Variants in CD2AP observed in about 807,000 individuals in gnomAD.
CD2AP encodes the protein CD2-associated protein.
A neutral mutation model predicts 85.1 loss-of-function variants in CD2AP; 46 were observed. That is an observed-to-expected ratio of 0.54 (90% CI 0.43 to 0.69). The LOEUF is 0.69. Among genes scored for constraint, CD2AP ranks in the 30% least tolerant of loss-of-function variants. The pLI is 0.00. For synonymous variants in CD2AP, 255 were observed against 252.9 expected (o/e 1.01, Z -0.08); for missense variants, 769 against 729.5 (o/e 1.05, Z -0.62).
intron 11 of CD2AP, among the ~76,000 whole-genome samples, chr6:47,593,061 C>T (rs79958323): frequency 6.6e-6 from 1 of 151,980 alleles, no homozygotes; most frequent in African/African-American, 2.4e-5. Flanking sequence ...TGATGCTAAC[C>T]CCAGAAAGAC....
rs574962678 is a variant in CD2AP, at chr6:47,573,096, TAA to T, written c.542-964_542-963del. Among the ~76,000 whole-genome samples, 75 of 152,286 alleles carry T rather than the reference TAA, an allele frequency of 4.9e-4. 1 individual carries two copies. In the East Asian group the frequency reaches 0.011, roughly 22 times the overall value. On this transcript the variant is annotated intron_variant, in intron 5 of 17. Coordinates refer to ENST00000359314, the MANE Select transcript of CD2AP (RefSeq NM_012120.3). Reference sequence around the variant, plus strand: ...CCTGTTTTATCCAGAAAAAAGTACATAAAAATAACCACACAGTTTTCCGTAGG... The same window carrying T: ...CCTGTTTTATCCAGAAAAAAGTACATAAATAACCACACAGTTTTCCGTAGG...
intron 6 of CD2AP, among the ~76,000 whole-genome samples, chr6:47,574,912 C>T (rs1188305383): frequency 6.6e-6 from 1 of 152,170 alleles, no homozygotes; most frequent in Non-Finnish European, 1.5e-5. Flanking sequence ...TTCCTTCTAT[C>T]AGTCCTATCT....
At chr6:47,536,294 G>A (rs112877895) in intron 3 of CD2AP, among the ~76,000 whole-genome samples, 294 of 150,836 alleles carry the variant, frequency 1.9e-3, no homozygotes, top group African/African-American at 6.9e-3. Context: ...ATTTAAAAGT[G>A]GCTCATTGTA....
At chr6:47,608,513 A>G (rs947014697) in intron 15 of CD2AP, among the ~76,000 whole-genome samples, 1 of 152,200 alleles carries the variant, frequency 6.6e-6, no homozygotes, top group Non-Finnish European at 1.5e-5. Flanking sequence ...CATAGATTTA[A>G]GAAGGTCATT....
At position 47,533,650 on chromosome 6, in the gene CD2AP, C is replaced by T. The variant is rs761757240; in HGVS notation, c.214C>T (p.Arg72Trp). The T allele has an allele frequency of 3.0e-5, 49 of 1,613,946 alleles. No individual in the cohort carries two copies. Among genetic ancestry groups the T allele is most frequent in the Non-Finnish European group, 3.8e-5 (45 of 1,179,970 alleles). Residue 72 changes from arginine (R) to tryptophan (W), a missense_variant, in exon 3 of 18, where the codon CGG (arginine) becomes TGG (tryptophan). Physicochemically the swap from Arg to Trp is moderately radical, Grantham distance 101. Transcript: ENST00000359314. ...EFKDDSLPIK[R>W]ERHGNVASLV... The stretch of plus-strand genomic sequence containing the variant: ...CAAGGATGACAGTTTGCCCATCAAA[C>T]GGGAAAGGCATGGGAATGTAGCAAG...
rs71831752 is a variant in CD2AP, at chr6:47,566,301, A to AATATATATAT, written c.542-7749_542-7740dup. ...TATTGTCTGTCTACCTGCTCATTAG[A>AATATATATAT]ATATATATATATATATATATATACA... On this transcript the variant is annotated intron_variant, in intron 5 of 17. Coordinates refer to ENST00000359314, the MANE Select transcript of CD2AP (RefSeq NM_012120.3). Among the ~76,000 whole-genome samples the AATATATATAT allele has an allele frequency of 6.1e-4, 67 of 110,202 alleles. 1 individual carries two copies. Among genetic ancestry groups the AATATATATAT allele is most frequent in the East Asian group, 4.0e-3 (17 of 4,214 alleles). The allele number at this position is 110,202 out of a possible 152,430, so 72.3% of individuals were successfully genotyped here.
chr6:47,618,616 T>G lies in CD2AP; in HGVS notation c.1879-5570T>G, dbSNP rs1190901176. ...GTAGAAATTGAGAAATTTTTAAGCG[T>G]TTTTTGACTTTTTTCTTACATTTTA... On this transcript the variant is annotated intron_variant, in intron 17 of 17. Transcript: ENST00000359314. Among the ~76,000 whole-genome samples the G allele has an allele frequency of 2.0e-5, 3 of 152,246 alleles. 1 individual carries two copies. Among genetic ancestry groups the G allele is most frequent in the South Asian group, 4.1e-4 (2 of 4,820 alleles).
At chr6:47,573,970 T>C (rs1160615142) in intron 5 of CD2AP, 94 bp from the exon 6 acceptor site, 1 of 1,090,606 alleles carries the variant, frequency 9.2e-7, no homozygotes, top group Non-Finnish European at 1.4e-6. Flanking sequence ...TACTGTGTTT[T>C]ATTAGAAGGC....
chr6:47,620,685 G>A (rs768227130), intron 17 of CD2AP, among the ~76,000 whole-genome samples: 1 of 152,102 alleles, frequency 6.6e-6, no homozygotes, highest in Non-Finnish European at 1.5e-5. Flanking sequence ...CACGAGCGTG[G>A]GATGTGTTTT....
At chr6:47,567,140 T>G (rs1768025679) in intron 5 of CD2AP, among the ~76,000 whole-genome samples, 1 of 151,766 alleles carries the variant, frequency 6.6e-6, no homozygotes, top group Non-Finnish European at 1.5e-5. Flanking sequence ...GGAAATTTGG[T>G]GGTTTTTCAC....
chr6:47,622,810 C>G lies in CD2AP; in HGVS notation c.1879-1376C>G, dbSNP rs1242018323. ...TTAAAATACACAATGCGAGTCTCCG[C>G]ATGCTGTTCTGTCTGGAGCCGCAAT... On this transcript the variant is annotated intron_variant, in intron 17 of 17. Transcript: ENST00000359314. 3.9e-5 allele frequency among the ~76,000 whole-genome samples: 6 copies of G among 152,308 alleles called. No homozygotes were observed. In the East Asian group the frequency reaches 1.2e-3, roughly 29 times the overall value.
intron 2 of CD2AP, among the ~76,000 whole-genome samples, 192 bp from the exon 3 acceptor site, chr6:47,533,410 T>G (rs1055199022): frequency 2.0e-5 from 3 of 152,212 alleles, no homozygotes; most frequent in Admixed American, 1.3e-4. Context: ...TGATAAAACT[T>G]AAACTCATGA....
At chr6:47,582,855 T>C (rs970136606) in intron 11 of CD2AP, among the ~76,000 whole-genome samples, 2 of 150,894 alleles carry the variant, frequency 1.3e-5, no homozygotes, top group Non-Finnish European at 2.9e-5. Context: ...CAATATCGGC[T>C]CACTGCAAGC....
chr6:47,508,899 G>A lies in CD2AP; in HGVS notation c.165+5459G>A, dbSNP rs577683871. Among the ~76,000 whole-genome samples the A allele has an allele frequency of 3.4e-4, 51 of 152,224 alleles. 1 individual carries two copies. The highest frequency in any genetic ancestry group is 2.2e-3 in the Admixed American group (33 of 15,292). On this transcript the variant is annotated intron_variant, in intron 2 of 17. Transcript: ENST00000359314. ...TTTCTTATCATTGGTGTGTTCACTG[G>A]AGTAGCACTTTTAATTTCCTTCAAG...
In CD2AP at chr6:47,624,721, GTATA is replaced by G. The variant is rs71538327; in HGVS notation, c.*508_*511del. 0.041 allele frequency: 4,921 copies of G among 119,832 alleles called. 117 individuals carry two copies. The highest frequency in any genetic ancestry group is 0.066 in the Non-Finnish European group (3,566 of 54,220). The allele number at this position is 119,832 out of a possible 1,614,324, so 7.4% of individuals were successfully genotyped here. On this transcript the variant is annotated 3_prime_UTR_variant, in exon 18 of 18. Coordinates refer to ENST00000359314, the MANE Select transcript of CD2AP (RefSeq NM_012120.3). The stretch of plus-strand genomic sequence containing the variant: ...TGTGTGTGTGTGTGTGTGTGTGTGT[GTATA>G]TATATATATATATTTTTACTTTTAT...
At position 47,616,082 on chromosome 6, in the gene CD2AP, C is replaced by CTTTTTTTTTTT. The variant is rs562350159; in HGVS notation, c.1878+3563_1878+3573dup. Among the ~76,000 whole-genome samples the CTTTTTTTTTTT allele has an allele frequency of 8.3e-3, 530 of 63,758 alleles. 64 individuals are homozygous for CTTTTTTTTTTT. Among genetic ancestry groups the CTTTTTTTTTTT allele is most frequent in the Middle Eastern group, 9.4e-3 (1 of 106 alleles). The allele number at this position is 63,758 out of a possible 152,430, so 41.8% of individuals were successfully genotyped here. On this transcript the variant is annotated intron_variant, in intron 17 of 17. Transcript: ENST00000359314. ...GCAGGCATGAGCCACTGCGCCTGGC[C>CTTTTTTTTTTT]TTTTTTTTTTTTTTTTTTTTTTTTT...
intron 4 of CD2AP, among the ~76,000 whole-genome samples, chr6:47,553,308 A>G (rs748162243): frequency 6.6e-6 from 1 of 151,942 alleles, no homozygotes; most frequent in African/African-American, 2.4e-5. Flanking sequence ...TAGTGCTGCT[A>G]AGTAAAATTT....
intron 5 of CD2AP, chr6:47,562,980 GC>G: frequency 2.3e-6 from 1 of 439,850 alleles, no homozygotes. Context: ...AGAATCTTAC[GC>G]CCAGTATGTC....
chr6:47,538,072 C>T (rs1483654734), intron 3 of CD2AP, among the ~76,000 whole-genome samples: 5 of 151,590 alleles, frequency 3.3e-5, no homozygotes, highest in South Asian at 2.1e-4. Context: ...TAAAAAGATA[C>T]GACTGTATGA....
Sources: gnomAD v4.1 joint callset for allele counts (sites outside exome capture counted in the v4.1 genomes callset) on GRCh38, gnomAD v4.1.1 for gene constraint, MANE v1.5 for transcripts, NCBI Gene and HGNC (gene_info 2026-07-23, HGNC 2026-07-21) for gene names.